Variants in SCN1A observed in about 807,000 individuals in gnomAD.
The protein encoded by SCN1A is sodium channel protein type 1 subunit alpha.
SCN1A carries 13 observed loss-of-function variants against 193.7 expected under a neutral mutation model. The observed-to-expected ratio is 0.07, with a 90% CI of 0.04 to 0.11. The LOEUF is 0.11. Ranked by LOEUF, SCN1A falls within the 10% of genes least tolerant of loss-of-function variation. The pLI is 1.00. For missense variants in SCN1A, 1,432 were observed against 2,451.1 expected (o/e 0.58, Z 8.78); for synonymous variants, 781 against 843.6 (o/e 0.93, Z 1.29).
At chr2:166,012,417 T>C (rs1003792215) in intron 21 of SCN1A, 135 bp from the exon 22 acceptor site, 2 of 688,448 alleles carry the variant, frequency 2.9e-6, no homozygotes, top group Non-Finnish European at 4.8e-6. Context: ...TGTTACTTTT[T>C]TTTTTTCCTC....
chr2:166,039,387 G>A, intron 17 of SCN1A, 36 bp downstream of exon 17: 5 of 1,586,208 alleles, frequency 3.2e-6, no homozygotes, highest in South Asian at 2.3e-5. Flanking sequence ...TGTTAGAAAG[G>A]TTTTTGAATT....
At chr2:166,020,011 T>C (rs577332077) in intron 19 of SCN1A, among the ~76,000 whole-genome samples, 5 of 151,218 alleles carry the variant, frequency 3.3e-5, no homozygotes, top group Non-Finnish European at 5.9e-5. Context: ...CCCAGGCTCA[T>C]GCCATTCTCC....
chr2:166,005,474 T>C (rs1691531060), intron 23 of SCN1A, among the ~76,000 whole-genome samples: 1 of 151,394 alleles, frequency 6.6e-6, no homozygotes, highest in Non-Finnish European at 1.5e-5. Context: ...GCATGTACTC[T>C]GCAGCAGTGC....
In SCN1A at chr2:166,045,158, T is replaced by G; in HGVS notation, c.1547A>C (p.Asp516Ala). 6.2e-7 allele frequency: 1 copy of G among 1,614,148 alleles called. No homozygotes were observed. Among genetic ancestry groups the G allele is most frequent in the Non-Finnish European group, 8.5e-7 (1 of 1,180,004 alleles). ...TTCAGATTTTTGGAATTCATCCTCA[T>G]CTTTCTCTTCCCCACCAGACTGCTC... ...QKEQSGGEEK[D>A]EDEFQKSESE... Residue 516 changes from aspartate (D) to alanine (A), a missense_variant, in exon 13 of 29, where the codon GAT becomes GCT. Around this residue, in one of 18 missense-constraint regions of SCN1A, gnomAD observed 316 missense variants for 362.1 expected, o/e 0.87. Coordinates refer to ENST00000674923, the MANE Select transcript of SCN1A (RefSeq NM_001165963.4).
chr2:166,009,480 G>C, intron 23 of SCN1A: 1 of 292,568 alleles, frequency 3.4e-6, no homozygotes, highest in South Asian at 5.0e-5. Context: ...TCCCAAGATG[G>C]ATTAGGAAAT....
intron 23 of SCN1A, among the ~76,000 whole-genome samples, chr2:166,005,941 A>G (rs932929993): frequency 1.3e-5 from 2 of 151,370 alleles, no homozygotes; most frequent in Non-Finnish European, 3.0e-5. Flanking sequence ...CAATCATCAA[A>G]TAAAGTTTCT....
rs201592683 is a variant in SCN1A at position 166,058,620 on chromosome 2, T to C, written c.333A>G (p.Leu111=). Residue 111 remains leucine (L), a synonymous_variant, in exon 5 of 29, where the codon TTA becomes TTG. Coordinates refer to ENST00000674923, the MANE Select transcript of SCN1A (RefSeq NM_001165963.4). Reference sequence around the variant, plus strand: ...TTTTCCTAAGAGGATTGAAGGGAGTTAAAATGTACAGGGCAGAGGTGGCAC... The same window carrying C: ...TTTTCCTAAGAGGATTGAAGGGAGTCAAAATGTACAGGGCAGAGGTGGCAC... ...RFSATSALYI[L]TPFNPLRKIA... is the part of the protein sequence containing the mutation. 6.4e-5 allele frequency: 103 copies of C among 1,612,436 alleles called. No individual in the cohort carries two copies. The highest frequency in any genetic ancestry group is 4.6e-5 in the Non-Finnish European group (54 of 1,178,784).
In SCN1A at chr2:166,125,387, A is replaced by G. The variant is rs1282780267; in HGVS notation, c.-142+1537T>C. Among the ~76,000 whole-genome samples, 5 of 152,266 alleles carry G rather than the reference A, an allele frequency of 3.3e-5. No individual in the cohort carries two copies. The East Asian group carries it at 9.7e-4, about 29-fold the overall frequency. On this transcript the variant is annotated intron_variant, in intron 2 of 28. Coordinates refer to ENST00000674923, the MANE Select transcript of SCN1A (RefSeq NM_001165963.4). The stretch of plus-strand genomic sequence containing the variant: ...TCCAACTGCCCAGGGAGAAAGCAAT[A>G]CCTTTCAAGGTCCCCAGGCTAAATT...
rs145296488 is a variant in SCN1A at position 165,994,267 on chromosome 2, A to G, written c.4731T>C (p.Asn1577=). ...CAGTAAATAGCACAATGAACACCAG[A>G]TTGATGCGTGACAAAATGGTAGTCA... The part of the protein sequence containing the change: ...EYVTTILSRI[N]LVFIVLFTGE... Residue 1577 remains asparagine (N), a synonymous_variant, in exon 28 of 29, where the codon AAT becomes AAC. Coordinates refer to ENST00000674923, the MANE Select transcript of SCN1A (RefSeq NM_001165963.4). 2,321 of 1,613,158 alleles carry G rather than the reference A, an allele frequency of 1.4e-3. 3 individuals are homozygous for G. The highest frequency in any genetic ancestry group is 1.6e-3 in the Non-Finnish European group (1,912 of 1,179,530).
At chr2:166,064,439 T>C (rs1683633459) in intron 4 of SCN1A, among the ~76,000 whole-genome samples, 1 of 152,198 alleles carries the variant, frequency 6.6e-6, no homozygotes, top group African/African-American at 2.4e-5. Context: ...TCAATGATTA[T>C]GTTGTACATG....
At chr2:166,115,641 C>T (rs112407674) in intron 2 of SCN1A, among the ~76,000 whole-genome samples, 1,542 of 152,098 alleles carry the variant, frequency 0.01, 13 homozygotes, top group Non-Finnish European at 0.015. Flanking sequence ...ACAGTATTTG[C>T]GAAAGCATCC....
At chr2:166,027,674 T>G (rs892872809) in intron 19 of SCN1A, among the ~76,000 whole-genome samples, 2 of 151,816 alleles carry the variant, frequency 1.3e-5, no homozygotes, top group Non-Finnish European at 2.9e-5. Context: ...GTACTTATTT[T>G]TAAAGCTGGA....
chr2:166,036,241 A>G lies in SCN1A; in HGVS notation c.3236T>C (p.Val1079Ala). 5 of 1,613,900 alleles carry G rather than the reference A, an allele frequency of 3.1e-6. No homozygotes were observed. Among genetic ancestry groups the G allele is most frequent in the South Asian group, 2.2e-5 (2 of 91,078 alleles). The change falls in exon 19 of 29, where the codon GTA becomes GCA. Residue 1079 changes from valine to alanine, a missense_variant. This residue lies in a region of SCN1A where 198 missense variants were observed against 225.8 expected (regional missense o/e 0.88). Transcript: ENST00000674923. Reference protein sequence around the residue: ...IGKDLDYLKDVNGTTSGIGTG... With the variant: ...IGKDLDYLKDANGTTSGIGTG... The stretch of plus-strand genomic sequence containing the variant: ...TCCTATACCACTTGTAGTTCCATTT[A>G]CATCTTTAAGATAGTCAAGATCTTT...
intron 6 of SCN1A, 108 bp from the exon 7 acceptor site, chr2:166,054,874 T>G (rs1698972743): frequency 1.0e-6 from 1 of 977,090 alleles, no homozygotes; most frequent in African/African-American, 1.6e-5. Context: ...AAAAGAAAAC[T>G]AAGCAGATGG....
chr2:166,088,153 C>T (rs777349959), intron 2 of SCN1A, among the ~76,000 whole-genome samples: 1 of 151,902 alleles, frequency 6.6e-6, no homozygotes, highest in Non-Finnish European at 1.5e-5. Flanking sequence ...GGTCAACCAC[C>T]CATCACATCA....
At chr2:166,040,759 T>C (rs755734823) in intron 16 of SCN1A, among the ~76,000 whole-genome samples, 1 of 152,198 alleles carries the variant, frequency 6.6e-6, no homozygotes, top group Non-Finnish European at 1.5e-5. Flanking sequence ...GTTCATGGTT[T>C]TGATATAGAA....
chr2:166,075,806 A>G (rs1476236992), intron 3 of SCN1A, among the ~76,000 whole-genome samples: 1 of 152,008 alleles, frequency 6.6e-6, no homozygotes, highest in African/African-American at 2.4e-5. Context: ...CAGAGTGCCT[A>G]TTTATCCTCA....
intron 3 of SCN1A, among the ~76,000 whole-genome samples, chr2:166,073,951 T>C (rs1684741525): frequency 6.6e-6 from 1 of 152,204 alleles, no homozygotes. Context: ...TTAGGCTAAT[T>C]AACACTATAT....
chr2:166,116,309 G>T (rs1689852988), intron 2 of SCN1A, among the ~76,000 whole-genome samples: 1 of 152,110 alleles, frequency 6.6e-6, no homozygotes, highest in Non-Finnish European at 1.5e-5. Context: ...AAAGATGAAA[G>T]TCCTAACAAG....
Sources: allele counts gnomAD v4.1 joint callset (sites outside exome capture counted in the v4.1 genomes callset), GRCh38; gene constraint gnomAD v4.1.1; regional missense constraint gnomAD v4.1.1; transcripts MANE v1.5; gene names NCBI Gene and HGNC (gene_info 2026-07-23, HGNC 2026-07-21).